Variants in XYLB observed in about 807,000 individuals in gnomAD.
XYLB encodes the protein xylulokinase, also known as xylulose kinase.
Under a neutral mutation model 78.7 loss-of-function variants are expected in XYLB, and 62 were observed. The ratio of observed to expected loss-of-function variants is 0.79; its 90% confidence interval spans 0.64 to 0.97. The LOEUF is 0.97. Among genes scored for constraint, XYLB ranks in the 50% least tolerant of loss-of-function variants. XYLB has a pLI of 0.00. For synonymous variants in XYLB, 245 were observed against 247.4 expected (o/e 0.99, Z 0.09); for missense variants, 687 against 676.8 (o/e 1.02, Z -0.17).
At chr3:38,440,886 C>A in the XYLB span, among the ~76,000 whole-genome samples, 1 of 151,898 alleles carries the variant, frequency 6.6e-6, no homozygotes, top group South Asian at 2.1e-4. Flanking sequence ...CTCTCTCTCA[C>A]TCCCTTTTTG....
At chr3:38,387,063 T>G (rs1410841460) in intron 15 of XYLB, among the ~76,000 whole-genome samples, 2 of 152,178 alleles carry the variant, frequency 1.3e-5, no homozygotes, top group Non-Finnish European at 2.9e-5. Context: ...ATTTTTCTAT[T>G]AATCTTTGAT....
chr3:38,370,238 G>A (rs1417339017), intron 9 of XYLB, 64 bp downstream of exon 9: 2 of 326,740 alleles, frequency 6.1e-6, no homozygotes, highest in East Asian at 9.6e-5. Context: ...AAGCACTGTA[G>A]CGCACACACA....
chr3:38,409,651 AC>A (rs1251383358), intron 18 of XYLB, among the ~76,000 whole-genome samples: 1 of 152,196 alleles, frequency 6.6e-6, no homozygotes, highest in African/African-American at 2.4e-5. Context: ...TTTTCTCAGC[AC>A]AAAATCTCCT....
the XYLB span, among the ~76,000 whole-genome samples, chr3:38,447,117 T>C: frequency 6.6e-6 from 1 of 152,092 alleles, no homozygotes; most frequent in Non-Finnish European, 1.5e-5. Flanking sequence ...ACAAAGGACA[T>C]GCATAGACAT....
chr3:38,354,287 C>G (rs1228237744), intron 2 of XYLB, among the ~76,000 whole-genome samples: 4 of 152,076 alleles, frequency 2.6e-5, no homozygotes, highest in African/African-American at 9.7e-5. Flanking sequence ...AGGTTGGTCT[C>G]TAACTCCTGA....
downstream of XYLB, among the ~76,000 whole-genome samples, chr3:38,423,707 C>A (rs111270533): frequency 4.6e-5 from 7 of 152,098 alleles, no homozygotes; most frequent in Non-Finnish European, 1.0e-4. Flanking sequence ...TGAACCTACT[C>A]GTAAAAAATT....
chr3:38,442,000 G>A, the XYLB span, among the ~76,000 whole-genome samples: 1 of 152,210 alleles, frequency 6.6e-6, no homozygotes, highest in Non-Finnish European at 1.5e-5. Flanking sequence ...TCTACTAGAT[G>A]AGTATTTGCC....
At chr3:38,437,764 T>G in the XYLB span, among the ~76,000 whole-genome samples, 62 of 151,818 alleles carry the variant, frequency 4.1e-4, no homozygotes, top group Non-Finnish European at 2.9e-5. Flanking sequence ...GGCAACATAG[T>G]GAGACCCTGT....
rs779254821 is a variant in XYLB at position 38,348,636 on chromosome 3, T to C, written c.140+4T>C. ...ACAGAGATCTTCCAGAATTTGGGTATGTACTTGATGTGCATGTGTGTGTGA... is the reference window on the plus strand; with the variant it reads ...ACAGAGATCTTCCAGAATTTGGGTACGTACTTGATGTGCATGTGTGTGTGA... On this transcript the variant is annotated splice_donor_region_variant and intron_variant, in intron 2 of 18. Coordinates refer to ENST00000207870, the MANE Select transcript of XYLB (RefSeq NM_005108.4). 2 of 1,614,130 alleles carry C rather than the reference T, an allele frequency of 1.2e-6. No individual in the cohort carries two copies. The highest frequency in any genetic ancestry group is 4.5e-5 in the East Asian group (2 of 44,884).
the XYLB span, among the ~76,000 whole-genome samples, chr3:38,438,224 C>T: frequency 6.6e-6 from 1 of 150,428 alleles, no homozygotes; most frequent in African/African-American, 2.4e-5. Flanking sequence ...AAGACCCTGT[C>T]TCCATTTTTT....
chr3:38,421,573 A>G (rs569457379), downstream of XYLB, among the ~76,000 whole-genome samples: 23 of 152,272 alleles, frequency 1.5e-4, no homozygotes, highest in South Asian at 2.5e-3. Flanking sequence ...AGGTCTGGGA[A>G]AAGGTAGGCA....
chr3:38,363,786 C>G (rs1190923370), intron 4 of XYLB, among the ~76,000 whole-genome samples: 1 of 152,154 alleles, frequency 6.6e-6, no homozygotes, highest in Non-Finnish European at 1.5e-5. Context: ...GTCACTTACC[C>G]AAGATCACAC....
intron 2 of XYLB, among the ~76,000 whole-genome samples, chr3:38,353,494 A>G (rs185883053): frequency 2.6e-4 from 39 of 151,712 alleles, no homozygotes; most frequent in African/African-American, 9.4e-4. Flanking sequence ...TTTTTTTTGT[A>G]GAGATGGGGT....
At chr3:38,450,490 C>G in the XYLB span, among the ~76,000 whole-genome samples, 1 of 152,130 alleles carries the variant, frequency 6.6e-6, no homozygotes, top group South Asian at 2.1e-4. Flanking sequence ...AATAGTGGTC[C>G]TAACACACTG....
chr3:38,346,992 T>A (rs1439078984), intron 1 of XYLB, 67 bp downstream of exon 1: 3 of 1,332,858 alleles, frequency 2.3e-6, no homozygotes, highest in Non-Finnish European at 2.9e-6. Context: ...GGGGGCGGGC[T>A]GTCACCCGGA....
chr3:38,371,548 A>G (rs1332439554), intron 9 of XYLB, among the ~76,000 whole-genome samples: 6 of 152,104 alleles, frequency 3.9e-5, no homozygotes, highest in African/African-American at 1.4e-4. Flanking sequence ...TGCTGGGATT[A>G]CAGGCGTGAG....
chr3:38,431,261 G>T, the XYLB span, among the ~76,000 whole-genome samples: 698 of 152,192 alleles, frequency 4.6e-3, 9 homozygotes, highest in African/African-American at 0.016. Flanking sequence ...CCTTGAAGAG[G>T]TCCTTCACGT....
chr3:38,431,969 T>G, the XYLB span, among the ~76,000 whole-genome samples: 1 of 152,136 alleles, frequency 6.6e-6, no homozygotes, highest in African/African-American at 2.4e-5. Context: ...AAAAAGATAG[T>G]TACTTCCTAG....
At chr3:38,362,589 G>A (rs1156635538) in intron 3 of XYLB, among the ~76,000 whole-genome samples, 1 of 152,180 alleles carries the variant, frequency 6.6e-6, no homozygotes, top group Non-Finnish European at 1.5e-5. Flanking sequence ...TTGGGCCTGG[G>A]AGGTTGAGGC....
Sources: allele counts gnomAD v4.1 joint callset (sites outside exome capture counted in the v4.1 genomes callset), GRCh38; gene constraint gnomAD v4.1.1; transcripts MANE v1.5; gene names NCBI Gene and HGNC (gene_info 2026-07-23, HGNC 2026-07-21).